The following DPP4 variants were observed in gnomAD, a reference collection of about 807,000 sequenced individuals.
The protein encoded by DPP4 is ADCP-2.
In DPP4, 93 loss-of-function variants were observed where a neutral mutation model predicts 122.4. The ratio of observed to expected loss-of-function variants is 0.76; its 90% CI spans 0.64 to 0.90. The LOEUF (loss-of-function observed/expected upper bound fraction) is 0.90, where lower values mean the gene tolerates loss of function less well. Among genes scored for constraint, DPP4 ranks in the 40% least tolerant of loss-of-function variants. DPP4 has a pLI of 0.00. For missense variants in DPP4, 914 were observed against 907.3 expected (o/e 1.01, Z -0.09); for synonymous variants, 321 against 302.9 (o/e 1.06, Z -0.62).
chr2:162,013,592 A>G (rs1314594111), intron 19 of DPP4, among the ~76,000 whole-genome samples: 1 of 151,994 alleles, frequency 6.6e-6, no homozygotes, highest in Non-Finnish European at 1.5e-5. Flanking sequence ...TTTTCCGTAT[A>G]ATGGAACAAC....
intron 11 of DPP4, among the ~76,000 whole-genome samples, chr2:162,024,341 T>C (rs543580846): frequency 6.6e-6 from 1 of 152,368 alleles, no homozygotes; most frequent in South Asian, 2.1e-4. Context: ...TTATTTCCAT[T>C]CTAAAGCTGT....
intron 2 of DPP4, among the ~76,000 whole-genome samples, chr2:162,052,518 C>A (rs1217343569): frequency 1.3e-5 from 2 of 152,032 alleles, no homozygotes; most frequent in African/African-American, 4.8e-5. Flanking sequence ...GTGAGAAATA[C>A]ATTTCTGTTC....
At chr2:162,049,252 T>C (rs887936291) in intron 2 of DPP4, among the ~76,000 whole-genome samples, 4 of 152,208 alleles carry the variant, frequency 2.6e-5, no homozygotes, top group South Asian at 4.1e-4. Context: ...TAAGATTTTA[T>C]TTCTTCAAAT....
chr2:162,001,704 CA>C (rs1701153942), intron 23 of DPP4, among the ~76,000 whole-genome samples: 2 of 152,180 alleles, frequency 1.3e-5, no homozygotes, highest in South Asian at 4.1e-4. Context: ...GGTGTGGCTA[CA>C]GCTGCTGTCT....
At chr2:162,035,046 TA>T in intron 9 of DPP4, 117 bp downstream of exon 9, 1 of 965,758 alleles carries the variant, frequency 1.0e-6, no homozygotes, top group Non-Finnish European at 1.5e-6. Flanking sequence ...TCAGCAAGAG[TA>T]ATCACAGCAA....
At chr2:162,004,951 G>A (rs1008740591) in intron 23 of DPP4, among the ~76,000 whole-genome samples, 2 of 152,124 alleles carry the variant, frequency 1.3e-5, no homozygotes, top group African/African-American at 4.8e-5. Context: ...AAGTTTCAGG[G>A]TTTTAAAAAA....
rs1018902236 is a variant in DPP4 at position 162,019,376 on chromosome 2, G to A, written c.1245-100C>T. ...CCCCAAGCCTAAGTGTGCACGGAGC[G>A]CGCGCACGGGTGCCCGCCGCCCTCC... is the stretch of plus-strand genomic sequence containing the variant. On this transcript the variant is annotated intron_variant, in intron 14 of 25. Transcript: ENST00000360534. The A allele has an allele frequency of 5.2e-6, 4 of 766,760 alleles. No individual in the cohort carries two copies. In the South Asian group the frequency reaches 6.0e-5, roughly 12 times the overall value. The allele number at this position is 766,760 out of a possible 1,614,324, so 47.5% of individuals were successfully genotyped here.
At position 162,046,901 on chromosome 2, in the gene DPP4, G is replaced by A. The variant is rs199645172; in HGVS notation, c.285+14C>T. The A allele has an allele frequency of 1.3e-4, 193 of 1,498,588 alleles. No individual in the cohort carries two copies. Among genetic ancestry groups the A allele is most frequent in the East Asian group, 2.9e-4 (13 of 44,302 alleles). 92.8% of individuals were successfully genotyped at this position (1,498,588 alleles called of 1,614,324 possible). On this transcript the variant is annotated intron_variant, in intron 4 of 25. Transcript: ENST00000360534. ...AGAATTCTATGCATGAATTAATTAC[G>A]TGATTAAACATACAAATGTACTGTT...
intron 12 of DPP4, 121 bp from the exon 13 acceptor site, chr2:162,020,809 C>A: frequency 1.8e-6 from 1 of 566,860 alleles, no homozygotes; most frequent in South Asian, 3.8e-5. Context: ...ATTTATATGC[C>A]AAATTAAAAT....
intron 5 of DPP4, among the ~76,000 whole-genome samples, chr2:162,040,539 T>C (rs1391720679): frequency 6.6e-6 from 1 of 151,888 alleles, no homozygotes; most frequent in Non-Finnish European, 1.5e-5. Flanking sequence ...AGATTGGTGG[T>C]TGCTTGGAGA....
intron 3 of DPP4, 54 bp from the exon 4 acceptor site, chr2:162,047,060 A>C (rs888913625): frequency 3.1e-6 from 3 of 973,658 alleles, no homozygotes; most frequent in African/African-American, 1.6e-5. Context: ...AAACATCTTC[A>C]TAAGCTGAAA....
Position 162,059,134 on chromosome 2 carries a change from G to A in DPP4, c.95-11633C>T, listed in dbSNP as rs1364766255. Among the ~76,000 whole-genome samples, 10 of 152,298 alleles carry A rather than the reference G, an allele frequency of 6.6e-5. No homozygotes were observed. The South Asian group carries it at 1.9e-3, about 28-fold the overall frequency. On this transcript the variant is annotated intron_variant, in intron 2 of 25. Coordinates refer to ENST00000360534, the MANE Select transcript of DPP4 (RefSeq NM_001935.4). ...CTGGAAGGACTGACCGAACTAAGCC[G>A]AGTTACACTGCCTGGTTCCCTCTGC...
At chr2:162,069,126 A>G (rs1685036025) in intron 2 of DPP4, among the ~76,000 whole-genome samples, 1 of 152,222 alleles carries the variant, frequency 6.6e-6, no homozygotes, top group Non-Finnish European at 1.5e-5. Context: ...TCATTATGCA[A>G]TTACAGATAA....
chr2:162,024,990 T>C, intron 10 of DPP4, 51 bp from the exon 11 acceptor site: 1 of 1,590,804 alleles, frequency 6.3e-7, no homozygotes, highest in South Asian at 1.1e-5. Flanking sequence ...AACATGACTA[T>C]TGCCAGACCT....
intron 19 of DPP4, among the ~76,000 whole-genome samples, chr2:162,012,725 T>C (rs1170674524): frequency 6.6e-6 from 1 of 151,922 alleles, no homozygotes; most frequent in Non-Finnish European, 1.5e-5. Flanking sequence ...CAAGAGGAGC[T>C]CCTTATAGCT....
chr2:162,073,615 G>A (rs921313077), intron 1 of DPP4, 129 bp from the exon 2 acceptor site: 12 of 894,048 alleles, frequency 1.3e-5, no homozygotes, highest in Admixed American at 4.1e-5. Context: ...GAGACCGCGG[G>A]CTGGGGGTGG....
intron 19 of DPP4, among the ~76,000 whole-genome samples, chr2:162,012,786 G>A (rs760261365): frequency 9.9e-5 from 15 of 151,834 alleles, no homozygotes; most frequent in Non-Finnish European, 1.0e-4. Flanking sequence ...CACAACTCCT[G>A]GACATGGATA....
chr2:162,018,641 G>T lies in DPP4; in HGVS notation c.1420+88C>A, dbSNP rs1683004439. 4 of 1,494,016 alleles carry T rather than the reference G, an allele frequency of 2.7e-6. No individual in the cohort carries two copies. In the Admixed American group the frequency reaches 6.7e-5, roughly 25 times the overall value. 92.5% of individuals were successfully genotyped at this position (1,494,016 alleles called of 1,614,324 possible). On this transcript the variant is annotated intron_variant, in intron 16 of 25. Coordinates refer to ENST00000360534, the MANE Select transcript of DPP4 (RefSeq NM_001935.4). ...GAAGGGGACTTAGGTGATTTCAAGA[G>T]CTCCTCAGATTCAAAAGGAATAGAG... is the stretch of plus-strand genomic sequence containing the variant.
chr2:162,065,244 T>A (rs1684910823), intron 2 of DPP4, among the ~76,000 whole-genome samples: 1 of 152,126 alleles, frequency 6.6e-6, no homozygotes, highest in Non-Finnish European at 1.5e-5. Flanking sequence ...ATGGAAATGG[T>A]TTTCCTCCCT....
Sources: gnomAD v4.1 joint callset for allele counts (sites outside exome capture counted in the v4.1 genomes callset) on GRCh38, gnomAD v4.1.1 for gene constraint, MANE v1.5 for transcripts, NCBI Gene and HGNC (gene_info 2026-07-23, HGNC 2026-07-21) for gene names.